The following MMP26 variants were observed in gnomAD, a reference collection of about 807,000 sequenced individuals.
The protein encoded by MMP26 is matrix metallopeptidase 26.
In MMP26, 33 loss-of-function variants were observed where a neutral mutation model predicts 31.0. The observed-to-expected ratio is 1.06, with a 90% CI of 0.81 to 1.42. MMP26 has a LOEUF of 1.42. Among genes scored for constraint, MMP26 ranks in the 40% most tolerant of loss-of-function variants. The pLI is 0.00. For missense variants in MMP26, 347 were observed against 316.1 expected, an observed-to-expected ratio of 1.10 and a Z score of -0.74; for synonymous variants, 122 against 114.9, an observed-to-expected ratio of 1.06 and a Z score of -0.40.
intron 2 of MMP26, among the ~76,000 whole-genome samples, chr11:4,937,105 C>T (rs1488068206): frequency 6.6e-6 from 1 of 152,120 alleles, no homozygotes; most frequent in East Asian, 1.9e-4. Context: ...GCAGATGCTT[C>T]CAGTCTTCCT....
At chr11:4,903,077 T>C (rs142123714) in intron 2 of MMP26, among the ~76,000 whole-genome samples, 12 of 152,212 alleles carry the variant, frequency 7.9e-5, no homozygotes, top group African/African-American at 2.9e-4. Flanking sequence ...TTTACTTAAA[T>C]TGTCTTCACA....
chr11:4,882,244 G>C (rs765974897), intron 2 of MMP26: 1 of 1,613,844 alleles, frequency 6.2e-7, no homozygotes, highest in Non-Finnish European at 8.5e-7. Context: ...TGGAGTCCTC[G>C]GTGCTGGTAG....
rs1564819722 is a variant in MMP26, at chr11:4,986,932, C to CTCTCTCTCCCTCTCTCT, written c.-144-1136_-144-1135insTCTCTCTCCCTCTCTCT. On this transcript the variant is annotated intron_variant, in intron 2 of 7. Coordinates refer to ENST00000380390, the MANE Select transcript of MMP26 (RefSeq NM_021801.5). Reference sequence around the variant, plus strand: ...CTCTCTCTCTCTCTCTCTCTCTCTCCCTCTCTCTCTCTCTCTCTCTCTCTC... The same window carrying CTCTCTCTCCCTCTCTCT: ...CTCTCTCTCTCTCTCTCTCTCTCTCCTCTCTCTCCCTCTCTCTCTCTCTCTCTCTCTCTCTCTCTCTC... 4.6e-4 allele frequency among the ~76,000 whole-genome samples: 28 copies of CTCTCTCTCCCTCTCTCT among 60,434 alleles called. 2 individuals are homozygous for CTCTCTCTCCCTCTCTCT. The highest frequency in any genetic ancestry group is 6.8e-4 in the South Asian group (1 of 1,468). 39.6% of individuals were successfully genotyped at this position (60,434 alleles called of 152,430 possible).
chr11:4,717,940 G>C (rs1847957384), intron 1 of MMP26, among the ~76,000 whole-genome samples: 1 of 152,092 alleles, frequency 6.6e-6, no homozygotes. Flanking sequence ...TCATACTGGA[G>C]GCCCCATATA....
At chr11:4,946,268 G>T in intron 2 of MMP26, 12 of 1,613,926 alleles carry the variant, frequency 7.4e-6, no homozygotes, top group South Asian at 1.1e-5. Context: ...GAGAACATTT[G>T]CCATGAGAAC....
intron 2 of MMP26, chr11:4,849,296 C>T: frequency 2.1e-6 from 3 of 1,409,254 alleles, no homozygotes; most frequent in Non-Finnish European, 2.9e-6. Context: ...TGAAACGTTC[C>T]AAAATAGCCT....
chr11:4,814,172 G>A (rs928913579), intron 2 of MMP26, among the ~76,000 whole-genome samples: 1 of 152,124 alleles, frequency 6.6e-6, no homozygotes, highest in African/African-American at 2.4e-5. Flanking sequence ...AGCAATTGGA[G>A]CACTCATAAG....
intron 2 of MMP26, among the ~76,000 whole-genome samples, chr11:4,922,568 G>A (rs1344113448): frequency 6.6e-6 from 1 of 152,182 alleles, no homozygotes. Context: ...AGCAGTATTT[G>A]TTTCTTCATG....
chr11:4,823,740 T>C (rs2133474381), intron 2 of MMP26, among the ~76,000 whole-genome samples: 1 of 152,320 alleles, frequency 6.6e-6, no homozygotes, highest in Non-Finnish European at 1.5e-5. Context: ...TGCTCAAATG[T>C]CTCAGATAGC....
intron 5 of MMP26, 41 bp downstream of exon 5, chr11:4,990,787 G>A: frequency 6.3e-7 from 1 of 1,593,328 alleles, no homozygotes; most frequent in Non-Finnish European, 8.6e-7. Context: ...TATATGCCCT[G>A]TGTAAAGGAC....
intron 2 of MMP26, chr11:4,914,766 T>C (rs201845080): frequency 6.2e-7 from 1 of 1,613,976 alleles, no homozygotes; most frequent in African/African-American, 1.3e-5. Flanking sequence ...TGTTTGGTCT[T>C]CACACTGTAG....
chr11:4,864,928 G>A (rs879319360), intron 2 of MMP26, among the ~76,000 whole-genome samples: 35 of 152,040 alleles, frequency 2.3e-4, no homozygotes, highest in Admixed American at 6.6e-4. Context: ...AAAGAATAGA[G>A]TTCGTGAGTC....
chr11:4,763,370 C>T (rs995595790), intron 1 of MMP26, among the ~76,000 whole-genome samples: 12 of 152,282 alleles, frequency 7.9e-5, no homozygotes, highest in South Asian at 6.2e-4. Flanking sequence ...AACAGAAAGT[C>T]ATGTTGCCAG....
intron 2 of MMP26, among the ~76,000 whole-genome samples, chr11:4,969,452 A>T (rs1589821258): frequency 6.6e-6 from 1 of 152,188 alleles, no homozygotes; most frequent in East Asian, 1.9e-4. Context: ...AATTATTTCA[A>T]GGTAAACATA....
rs78134227 is a variant in MMP26 at position 4,976,717 on chromosome 11, T to C, written c.-144-11351T>C. Reference sequence around the variant, plus strand: ...CCCACAGGTCTTTTCTTTACACAGATGAGACCTTAAATAAGAGTGGACTCA... The same window carrying C: ...CCCACAGGTCTTTTCTTTACACAGACGAGACCTTAAATAAGAGTGGACTCA... On this transcript the variant is annotated intron_variant, in intron 2 of 7. Coordinates refer to ENST00000380390, the MANE Select transcript of MMP26 (RefSeq NM_021801.5). 1.0e-3 allele frequency among the ~76,000 whole-genome samples: 152 copies of C among 152,158 alleles called. No individual in the cohort carries two copies. The East Asian group carries it at 0.026, about 26-fold the overall frequency.
At chr11:4,764,399 T>C (rs553468669) in intron 1 of MMP26, among the ~76,000 whole-genome samples, 2 of 152,222 alleles carry the variant, frequency 1.3e-5, no homozygotes, top group Non-Finnish European at 2.9e-5. Context: ...ATTTCCCTTT[T>C]TCTGATAAGT....
chr11:4,778,509 A>G (rs893017634), intron 2 of MMP26, among the ~76,000 whole-genome samples: 1 of 152,084 alleles, frequency 6.6e-6, no homozygotes, highest in Non-Finnish European at 1.5e-5. Context: ...TCCTTGCACC[A>G]ATACTGCACT....
At chr11:4,924,087 C>CT (rs759623039) in intron 2 of MMP26, 70 of 1,613,954 alleles carry the variant, frequency 4.3e-5, no homozygotes, top group Non-Finnish European at 5.6e-5. Flanking sequence ...CAGAAAATGC[C>CT]CAGCACAGTG....
chr11:4,816,953 A>G (rs1051676714), intron 2 of MMP26, among the ~76,000 whole-genome samples: 3 of 146,896 alleles, frequency 2.0e-5, no homozygotes, highest in East Asian at 2.0e-4. Context: ...CTCGTGATCC[A>G]CCCGCCTCGG....
Sources: allele counts gnomAD v4.1 joint callset (sites outside exome capture counted in the v4.1 genomes callset), GRCh38; gene constraint gnomAD v4.1.1; transcripts MANE v1.5; gene names NCBI Gene and HGNC (gene_info 2026-07-23, HGNC 2026-07-21).